Variants in UNC5D observed in about 807,000 individuals in gnomAD.
UNC5D encodes unc-5 netrin receptor D.
A neutral mutation model predicts 105.4 loss-of-function variants in UNC5D; 39 were observed. The observed-to-expected ratio is 0.37, with a 90% CI of 0.29 to 0.48. The LOEUF is 0.48. UNC5D is among the 20% of genes least tolerant of loss of function. UNC5D has a pLI of 0.98. For synonymous variants in UNC5D, 452 were observed against 450.4 expected (o/e 1.00, Z -0.04); for missense variants, 991 against 1,202.4 (o/e 0.82, Z 2.60).
chr8:35,376,092 T>G (rs1056125541), intron 1 of UNC5D, among the ~76,000 whole-genome samples: 2 of 152,166 alleles, frequency 1.3e-5, no homozygotes, highest in Non-Finnish European at 2.9e-5. Flanking sequence ...CTATCTCAAG[T>G]AAAATTGGAG....
chr8:35,452,475 A>G (rs1322991745), intron 1 of UNC5D, among the ~76,000 whole-genome samples: 1 of 152,092 alleles, frequency 6.6e-6, no homozygotes, highest in Non-Finnish European at 1.5e-5. Context: ...CATGTTAGCC[A>G]GGATGGTCTC....
chr8:35,629,877 G>A (rs1424982189), intron 4 of UNC5D, among the ~76,000 whole-genome samples: 1 of 152,124 alleles, frequency 6.6e-6, no homozygotes, highest in Non-Finnish European at 1.5e-5. Context: ...CACTATAAAT[G>A]AGTTAATGGT....
At chr8:35,578,277 A>G (rs1448078105) in intron 3 of UNC5D, among the ~76,000 whole-genome samples, 1 of 151,558 alleles carries the variant, frequency 6.6e-6, no homozygotes, top group Non-Finnish European at 1.5e-5. Flanking sequence ...CTCAAAAAAA[A>G]AAAAGAAAGA....
intron 7 of UNC5D, among the ~76,000 whole-genome samples, chr8:35,687,433 C>A (rs1826085705): frequency 7.2e-6 from 1 of 139,274 alleles, no homozygotes; most frequent in African/African-American, 2.7e-5. Flanking sequence ...CAGAGTGAGA[C>A]TCCGTCTCAA....
intron 9 of UNC5D, among the ~76,000 whole-genome samples, chr8:35,724,576 A>G (rs1828760056): frequency 6.6e-6 from 1 of 152,284 alleles, no homozygotes; most frequent in Admixed American, 6.5e-5. Context: ...GGATGCTATC[A>G]TATGTACATA....
At chr8:35,451,172 T>C (rs746219602) in intron 1 of UNC5D, among the ~76,000 whole-genome samples, 3 of 151,816 alleles carry the variant, frequency 2.0e-5, no homozygotes, top group Non-Finnish European at 4.4e-5. Flanking sequence ...ACCTCCCAAG[T>C]AGCTGGGATT....
intron 1 of UNC5D, among the ~76,000 whole-genome samples, chr8:35,542,239 C>T (rs1815329265): frequency 6.6e-6 from 1 of 152,176 alleles, no homozygotes; most frequent in Non-Finnish European, 1.5e-5. Flanking sequence ...ATTCCGGCTG[C>T]TGTTCTGCAT....
chr8:35,745,780 G>T (rs1357780587), intron 11 of UNC5D, among the ~76,000 whole-genome samples: 1 of 152,158 alleles, frequency 6.6e-6, no homozygotes, highest in Non-Finnish European at 1.5e-5. Context: ...CCACACTAGG[G>T]TGTATGATAC....
intron 2 of UNC5D, among the ~76,000 whole-genome samples, chr8:35,552,165 G>A (rs1203855705): frequency 2.0e-5 from 3 of 152,180 alleles, no homozygotes; most frequent in African/African-American, 4.8e-5. Context: ...CAAAGCATGC[G>A]TAGAATCCTA....
At chr8:35,548,941 T>A (rs1025694273) in intron 1 of UNC5D, among the ~76,000 whole-genome samples, 6 of 152,336 alleles carry the variant, frequency 3.9e-5, no homozygotes, top group African/African-American at 1.2e-4. Context: ...AGCTTGGGGT[T>A]GTCATTAGCC....
intron 2 of UNC5D, among the ~76,000 whole-genome samples, chr8:35,564,074 T>G (rs1817153899): frequency 6.6e-6 from 1 of 152,172 alleles, no homozygotes; most frequent in African/African-American, 2.4e-5. Flanking sequence ...GTTGTTATTA[T>G]TGTGTCTTTG....
chr8:35,441,245 A>T (rs1807375111), intron 1 of UNC5D, among the ~76,000 whole-genome samples: 1 of 151,972 alleles, frequency 6.6e-6, no homozygotes, highest in Non-Finnish European at 1.5e-5. Context: ...GCTTTCAATT[A>T]CCTGCATTCA....
At chr8:35,263,657 T>C (rs1323810032) in intron 1 of UNC5D, among the ~76,000 whole-genome samples, 1 of 152,220 alleles carries the variant, frequency 6.6e-6, no homozygotes, top group Non-Finnish European at 1.5e-5. Flanking sequence ...AAGACTTTAG[T>C]ATTTAAAAGA....
At chr8:35,397,455 AT>A (rs1804178362) in intron 1 of UNC5D, among the ~76,000 whole-genome samples, 1 of 148,048 alleles carries the variant, frequency 6.8e-6, no homozygotes, top group Non-Finnish European at 1.5e-5. Context: ...AGTCTGGACT[AT>A]GTTAACCTTT....
intron 1 of UNC5D, among the ~76,000 whole-genome samples, chr8:35,325,692 C>G (rs778950360): frequency 6.6e-6 from 1 of 152,140 alleles, no homozygotes; most frequent in African/African-American, 2.4e-5. Context: ...TTGCCAGTTG[C>G]TTTAAGGAAT....
At chr8:35,771,101 T>C (rs1265482528) in intron 15 of UNC5D, among the ~76,000 whole-genome samples, 1 of 152,178 alleles carries the variant, frequency 6.6e-6, no homozygotes, top group East Asian at 1.9e-4. Context: ...AAGAGGGAAA[T>C]AGGGACCCAC....
intron 3 of UNC5D, among the ~76,000 whole-genome samples, chr8:35,583,120 G>C (rs1818558910): frequency 6.6e-6 from 1 of 152,184 alleles, no homozygotes; most frequent in Admixed American, 6.5e-5. Flanking sequence ...GGGAGGCTAA[G>C]GCAGGAAGAT....
intron 1 of UNC5D, among the ~76,000 whole-genome samples, chr8:35,511,693 G>A (rs1277315247): frequency 1.3e-5 from 2 of 150,808 alleles, no homozygotes; most frequent in Admixed American, 6.6e-5. Flanking sequence ...AATTGTCTTG[G>A]GCCACACAAA....
At chr8:35,505,729 C>T (rs556840429) in intron 1 of UNC5D, among the ~76,000 whole-genome samples, 12 of 152,244 alleles carry the variant, frequency 7.9e-5, no homozygotes, top group Admixed American at 6.5e-5. Context: ...TAGGGGCTGT[C>T]GAGATGGTTT....
Sources: allele counts gnomAD v4.1 joint callset (sites outside exome capture counted in the v4.1 genomes callset), GRCh38; gene constraint gnomAD v4.1.1; transcripts MANE v1.5; gene names NCBI Gene and HGNC (gene_info 2026-07-23, HGNC 2026-07-21).